Variants in CCDC85A observed in about 807,000 individuals in gnomAD.
The protein encoded by CCDC85A is coiled-coil domain containing 85A.
CCDC85A carries 38 observed loss-of-function variants against 50.2 expected under a neutral mutation model. That is an observed-to-expected ratio of 0.76 (90% CI 0.58 to 0.99). The LOEUF (loss-of-function observed/expected upper bound fraction) is 0.99. Ranked by LOEUF, CCDC85A falls within the 50% of genes least tolerant of loss-of-function variation. CCDC85A has a pLI of 0.00. For synonymous variants in CCDC85A, 366 were observed against 301.4 expected, an observed-to-expected ratio of 1.21 and a Z score of -2.22; for missense variants, 820 against 742.0, an observed-to-expected ratio of 1.11 and a Z score of -1.22.
chr2:56,277,655 C>A lies in CCDC85A; in HGVS notation c.1241-65224C>A, dbSNP rs528352517. ...ATCTTCATTGGTAAATTCACTTATT[C>A]CTTCCTCTAACATTTCCTAAGCACC... On this transcript the variant is annotated intron_variant, in intron 2 of 5. Coordinates refer to ENST00000407595, the MANE Select transcript of CCDC85A (RefSeq NM_001080433.2). Among the ~76,000 whole-genome samples the A allele has an allele frequency of 2.0e-5, 3 of 152,332 alleles. No individual in the cohort carries two copies. In the South Asian group the frequency reaches 6.2e-4, roughly 32 times the overall value.
In CCDC85A at chr2:56,325,640, A is replaced by G. The variant is rs1290973753; in HGVS notation, c.1241-17239A>G. ...GAATCCAGGAGAGATTCAGGAAAGC[A>G]GCTCATTTGAAAACTAAAATTGGAC... On this transcript the variant is annotated intron_variant, in intron 2 of 5. Transcript: ENST00000407595. Among the ~76,000 whole-genome samples the G allele has an allele frequency of 9.2e-4, 140 of 152,172 alleles. 1 individual carries two copies. The highest frequency in any genetic ancestry group is 2.6e-4 in the Non-Finnish European group (18 of 68,022).
chr2:56,258,546 G>C (rs1202646954), intron 2 of CCDC85A, among the ~76,000 whole-genome samples: 2 of 152,164 alleles, frequency 1.3e-5, no homozygotes, highest in Non-Finnish European at 2.9e-5. Context: ...CCTGGGATGA[G>C]ACTGTTTGGC....
At position 56,359,805 on chromosome 2, in the gene CCDC85A, T is replaced by A. The variant is rs191833877; in HGVS notation, c.1318-12539T>A. 8.2e-4 allele frequency among the ~76,000 whole-genome samples: 125 copies of A among 152,344 alleles called. 2 individuals carry two copies. The highest frequency in any genetic ancestry group is 2.5e-3 in the African/African-American group (103 of 41,586). On this transcript the variant is annotated intron_variant, in intron 3 of 5. Coordinates refer to ENST00000407595, the MANE Select transcript of CCDC85A (RefSeq NM_001080433.2). Reference sequence around the variant, plus strand: ...ATATTCTTCCTTCACATGATCTTTGTCATATATGTGGGTTTTAGTCATTAT... The same window carrying A: ...ATATTCTTCCTTCACATGATCTTTGACATATATGTGGGTTTTAGTCATTAT...
At chr2:56,331,947 G>GC (rs1485707061) in intron 2 of CCDC85A, among the ~76,000 whole-genome samples, 3 of 146,608 alleles carry the variant, frequency 2.0e-5, no homozygotes, top group Non-Finnish European at 3.0e-5. Flanking sequence ...CCCCCTCCCC[G>GC]CCCCCCAGGC....
Position 56,193,084 on chromosome 2 carries a change from A to G in CCDC85A, c.884A>G (p.His295Arg), listed in dbSNP as rs1415834309. 6.2e-7 allele frequency: 1 copy of G among 1,613,506 alleles called. No individual in the cohort carries two copies. Among genetic ancestry groups the G allele is most frequent in the Non-Finnish European group, 8.5e-7 (1 of 1,179,814 alleles). The change falls in exon 2 of 6, where the codon CAC (histidine) becomes CGC (arginine). Residue 295 changes from histidine (H) to arginine (R), a missense_variant. By Grantham distance (29) the His-to-Arg change is conservative. Transcript: ENST00000407595. ...AAGGGCAGCCCCGAACAGCAAAGGCACCCGCATCCAGGGAGCAGCCCCGAA... is the reference window on the plus strand; with the variant it reads ...AAGGGCAGCCCCGAACAGCAAAGGCGCCCGCATCCAGGGAGCAGCCCCGAA... The part of the protein sequence containing the change: ...LCKGSPEQQR[H>R]PHPGSSPETL...
At chr2:56,296,812 CATA>C (rs937875088) in intron 2 of CCDC85A, among the ~76,000 whole-genome samples, 3 of 152,200 alleles carry the variant, frequency 2.0e-5, no homozygotes, top group African/African-American at 4.8e-5. Context: ...AAATTAATAG[CATA>C]ATAATTATCT....
At chr2:56,248,012 A>G (rs1048736637) in intron 2 of CCDC85A, among the ~76,000 whole-genome samples, 86 of 152,184 alleles carry the variant, frequency 5.7e-4, no homozygotes, top group Non-Finnish European at 1.8e-4. Context: ...CCCATGCTTT[A>G]CCTGCTCTGC....
chr2:56,205,436 G>A (rs1037415243), intron 2 of CCDC85A, among the ~76,000 whole-genome samples: 3 of 152,110 alleles, frequency 2.0e-5, no homozygotes, highest in Non-Finnish European at 4.4e-5. Flanking sequence ...CTGAAGGGAA[G>A]GGCAAAATCT....
At chr2:56,213,640 T>C (rs562002464) in intron 2 of CCDC85A, among the ~76,000 whole-genome samples, 4 of 152,018 alleles carry the variant, frequency 2.6e-5, no homozygotes, top group African/African-American at 9.6e-5. Context: ...CAAACAGAGA[T>C]TGAACTGCCT....
Position 56,301,048 on chromosome 2 carries a change from C to A in CCDC85A, c.1241-41831C>A, listed in dbSNP as rs147854465. Among the ~76,000 whole-genome samples, 9 of 152,170 alleles carry A rather than the reference C, an allele frequency of 5.9e-5. No individual in the cohort carries two copies. The East Asian group carries it at 1.7e-3, about 29-fold the overall frequency. ...TGATATTACACTTCCTTTTTGCAAT[C>A]TTTCCAAGCTGCAAATAAAATAAAT... On this transcript the variant is annotated intron_variant, in intron 2 of 5. Transcript: ENST00000407595.
intron 2 of CCDC85A, among the ~76,000 whole-genome samples, chr2:56,231,098 A>C (rs765679557): frequency 6.6e-6 from 1 of 152,180 alleles, no homozygotes; most frequent in Non-Finnish European, 1.5e-5. Flanking sequence ...CTCGAATACT[A>C]CTTTGTCTTT....
At chr2:56,278,955 A>AG in intron 2 of CCDC85A, among the ~76,000 whole-genome samples, 1 of 152,168 alleles carries the variant, frequency 6.6e-6, no homozygotes, top group Non-Finnish European at 1.5e-5. Flanking sequence ...AGGAGGCACG[A>AG]GGGGGAAGGA....
chr2:56,308,866 A>G (rs1177844089), intron 2 of CCDC85A, among the ~76,000 whole-genome samples: 1 of 152,124 alleles, frequency 6.6e-6, no homozygotes, highest in East Asian at 1.9e-4. Context: ...TGTAAATTCC[A>G]GGCTGTTGGA....
intron 2 of CCDC85A, among the ~76,000 whole-genome samples, chr2:56,341,726 T>C (rs1244331344): frequency 6.6e-6 from 1 of 152,234 alleles, no homozygotes; most frequent in Non-Finnish European, 1.5e-5. Context: ...TTTCAGCTCA[T>C]GCCTGAGCTT....
intron 2 of CCDC85A, among the ~76,000 whole-genome samples, chr2:56,330,061 G>A (rs763211156): frequency 1.0e-4 from 14 of 138,740 alleles, no homozygotes; most frequent in South Asian, 2.4e-4. Flanking sequence ...AAAGAAAGTT[G>A]TTACATTTAT....
intron 3 of CCDC85A, among the ~76,000 whole-genome samples, chr2:56,361,095 T>C (rs565491076): frequency 5.9e-4 from 90 of 152,020 alleles, no homozygotes; most frequent in Non-Finnish European, 8.8e-4. Flanking sequence ...CTACTAAAAA[T>C]GCAAAAACCT....
chr2:56,266,548 A>G (rs1395103317), intron 2 of CCDC85A, among the ~76,000 whole-genome samples: 1 of 150,220 alleles, frequency 6.7e-6, no homozygotes, highest in African/African-American at 2.4e-5. Flanking sequence ...TGCCCAATAA[A>G]TATATATAAT....
chr2:56,344,909 T>C (rs1270293259), intron 3 of CCDC85A, among the ~76,000 whole-genome samples: 1 of 148,196 alleles, frequency 6.7e-6, no homozygotes, highest in African/African-American at 2.6e-5. Flanking sequence ...AGCAAACTAA[T>C]AGCATGTATG....
At chr2:56,228,929 A>G (rs1171349876) in intron 2 of CCDC85A, among the ~76,000 whole-genome samples, 1 of 152,192 alleles carries the variant, frequency 6.6e-6, no homozygotes, top group Non-Finnish European at 1.5e-5. Flanking sequence ...CATTTATTGG[A>G]CAATAATACA....
Sources: gnomAD v4.1 joint callset for allele counts (sites outside exome capture counted in the v4.1 genomes callset) on GRCh38, gnomAD v4.1.1 for gene constraint, MANE v1.5 for transcripts, NCBI Gene and HGNC (gene_info 2026-07-23, HGNC 2026-07-21) for gene names.